The following TACO1 variants were observed in gnomAD, a reference collection of about 807,000 sequenced individuals.
TACO1 encodes the protein translational activator of cytochrome c oxidase I.
In TACO1, 13 loss-of-function variants were observed where a neutral mutation model predicts 24.0. That is an observed-to-expected ratio of 0.54 (90% confidence interval 0.35 to 0.86). The LOEUF (loss-of-function observed/expected upper bound fraction) is 0.86, where lower values mean the gene tolerates loss of function less well. TACO1 is among the 40% of genes least tolerant of loss of function. The probability of loss-of-function intolerance (pLI) is 0.01; values close to 1 mark genes in which losing one functional copy is unlikely to be tolerated. For missense variants in TACO1, 352 were observed against 380.1 expected (o/e 0.93, Z 0.61); for synonymous variants, 149 against 153.5 (o/e 0.97, Z 0.22).
Position 63,604,586 on chromosome 17 carries a change from G to A in TACO1, c.333G>A (p.Val111=), listed in dbSNP as rs376024726. The change falls in exon 2 of 5, where the codon GTG becomes GTA. Residue 111 remains valine, a synonymous_variant. Coordinates refer to ENST00000258975, the MANE Select transcript of TACO1 (RefSeq NM_016360.4). ...HNSNLANILE[V]CRSKHMPKST... ...GCAACCTGGCCAATATCTTAGAGGT[G>A]TGTCGCAGCAAACATATGCCCAAGT... 9 of 1,614,006 alleles carry A rather than the reference G, an allele frequency of 5.6e-6. No individual in the cohort carries two copies. The highest frequency in any genetic ancestry group is 7.6e-6 in the Non-Finnish European group (9 of 1,180,032).
At chr17:63,602,389 C>T (rs1344259054) in intron 1 of TACO1, among the ~76,000 whole-genome samples, 1 of 152,048 alleles carries the variant, frequency 6.6e-6, no homozygotes, top group Admixed American at 6.6e-5. Flanking sequence ...TAATACCCAC[C>T]TTGAGGTAGT....
intron 2 of TACO1, among the ~76,000 whole-genome samples, chr17:63,605,609 G>C (rs921450307): frequency 2.6e-5 from 4 of 152,188 alleles, no homozygotes; most frequent in Non-Finnish European, 4.4e-5. Flanking sequence ...TAGAGCCTGT[G>C]CTCTAACCGT....
In TACO1 at chr17:63,607,926, T is replaced by C; in HGVS notation, c.818T>C (p.Leu273Pro). Reference protein sequence around the residue: ...NSKVQLAEPDLEQAAHLIQAL... With the variant: ...NSKVQLAEPDPEQAAHLIQAL... ...AAGGTGCAGCTGGCTGAGCCCGACC[T>C]GGAACAGGCCGCACATCTCATTCAG... Residue 273 changes from leucine to proline, a missense_variant, in exon 5 of 5, where the codon CTG (leucine) becomes CCG (proline). Physicochemically the swap from Leu to Pro is moderately conservative, Grantham distance 98. Transcript: ENST00000258975. 2 of 1,614,220 alleles carry C rather than the reference T, an allele frequency of 1.2e-6. No homozygotes were observed. The highest frequency in any genetic ancestry group is 1.7e-6 in the Non-Finnish European group (2 of 1,180,028).
At chr17:63,603,576 G>A (rs1406359465) in intron 1 of TACO1, among the ~76,000 whole-genome samples, 1 of 152,018 alleles carries the variant, frequency 6.6e-6, no homozygotes, top group East Asian at 1.9e-4. Flanking sequence ...CATGGTGGCA[G>A]ACACCTGTAA....
chr17:63,606,584 C>G (rs775934757), intron 3 of TACO1, 144 bp downstream of exon 3: 1 of 1,041,522 alleles, frequency 9.6e-7, no homozygotes, highest in Non-Finnish European at 1.4e-6. Context: ...TCACTCTTGT[C>G]GCCCAGGCTG....
intron 1 of TACO1, among the ~76,000 whole-genome samples, chr17:63,602,539 T>G (rs1426449511): frequency 6.6e-6 from 1 of 152,008 alleles, no homozygotes; most frequent in Non-Finnish European, 1.5e-5. Flanking sequence ...TTTATTTATT[T>G]ATTTTGAGAC....
rs755963243 is a variant in TACO1 at position 63,601,349 on chromosome 17, G to C, written c.266G>C (p.Arg89Pro). ...RIFSKLCLNI[R>P]LAVKEGGPNP... ...TTCTCCAAACTCTGTTTGAACATCC[G>C]CCTGGCAGTGAAAGGTGAGACCCTG... The change falls in exon 1 of 5, where the codon CGC (arginine) becomes CCC (proline). Residue 89 changes from arginine (R) to proline (P), a missense_variant. Arg to Pro is a moderately radical substitution (Grantham distance 103, BLOSUM62 -2). Transcript: ENST00000258975. 1 of 1,612,580 alleles carries C rather than the reference G, an allele frequency of 6.2e-7. No homozygotes were observed. The highest frequency in any genetic ancestry group is 1.3e-5 in the African/African-American group (1 of 74,934).
chr17:63,607,231 G>A (rs1389453889), intron 3 of TACO1, 56 bp from the exon 4 acceptor site: 22 of 1,488,070 alleles, frequency 1.5e-5, no homozygotes, highest in Non-Finnish European at 2.1e-5. Flanking sequence ...TGAGCTTTAT[G>A]GAGGCTGAGC....
In TACO1 at chr17:63,601,132, T is replaced by C. The variant is rs2033816851; in HGVS notation, c.49T>C (p.Leu17=). 2 of 1,543,180 alleles carry C rather than the reference T, an allele frequency of 1.3e-6. No individual in the cohort carries two copies. ...ASLSRAAARC[L]LARGPGVRAA... is the part of the protein sequence containing the mutation. ...CCTAAGCAGGGCCGCTGCCCGATGCTTGCTGGCACGAGGCCCCGGGGTCAG... is the reference window on the plus strand; with the variant it reads ...CCTAAGCAGGGCCGCTGCCCGATGCCTGCTGGCACGAGGCCCCGGGGTCAG... Residue 17 remains leucine, a synonymous_variant, in exon 1 of 5, where the codon TTG becomes CTG. Transcript: ENST00000258975.
At position 63,603,226 on chromosome 17, in the gene TACO1, ACT is replaced by A. The variant is rs528532275; in HGVS notation, c.281-1305_281-1304del. 5.3e-5 allele frequency among the ~76,000 whole-genome samples: 8 copies of A among 152,000 alleles called. No individual in the cohort carries two copies. In the South Asian group the frequency reaches 1.7e-3, roughly 32 times the overall value. The stretch of plus-strand genomic sequence containing the variant: ...ACTCCAGCCTGGGCAACAGAGGAAA[ACT>A]CTGTCTCAAAAAATAATAATAAAAA... On this transcript the variant is annotated intron_variant, in intron 1 of 4. Coordinates refer to ENST00000258975, the MANE Select transcript of TACO1 (RefSeq NM_016360.4).
chr17:63,603,757 T>C (rs1386576146), intron 1 of TACO1, among the ~76,000 whole-genome samples: 2 of 151,536 alleles, frequency 1.3e-5, no homozygotes, highest in Admixed American at 1.3e-4. Context: ...GGCCCACACC[T>C]GTAATCCCGG....
chr17:63,607,289 G>A lies in TACO1; in HGVS notation c.518G>A (p.Gly173Glu), dbSNP rs1416978423. ...DIRHILNKNGGVMAVGARHSF... is the reference protein window; with the variant it reads ...DIRHILNKNGEVMAVGARHSF... Reference sequence around the variant, plus strand: ...CAGCCTGTTTCCTTCCCTGTCAGAGGAGTGATGGCTGTAGGAGCTCGTCAC... The same window carrying A: ...CAGCCTGTTTCCTTCCCTGTCAGAGAAGTGATGGCTGTAGGAGCTCGTCAC... Residue 173 changes from glycine (G) to glutamate (E), a missense_variant and splice_region_variant, in exon 4 of 5, where the codon GGA becomes GAA. Transcript: ENST00000258975. The A allele has an allele frequency of 1.9e-5, 31 of 1,613,586 alleles. No individual in the cohort carries two copies. The highest frequency in any genetic ancestry group is 2.6e-5 in the Non-Finnish European group (31 of 1,179,968).
At chr17:63,602,460 C>G (rs190188875) in intron 1 of TACO1, among the ~76,000 whole-genome samples, 1 of 152,134 alleles carries the variant, frequency 6.6e-6, no homozygotes, top group Non-Finnish European at 1.5e-5. Flanking sequence ...TCAGCTCATG[C>G]CTGGTATTTG....
In TACO1 at chr17:63,601,071, AG is replaced by A; in HGVS notation, c.-10del. 1.3e-6 allele frequency: 2 copies of A among 1,539,528 alleles called. No individual in the cohort carries two copies. Among genetic ancestry groups the A allele is most frequent in the Non-Finnish European group, 1.7e-6 (2 of 1,146,022 alleles). On this transcript the variant is annotated 5_prime_UTR_variant, in exon 1 of 5. Transcript: ENST00000258975. ...CGCTGCTGCTAGCAGCTTGAACCCC[AG>A]GGTCGGGACCGATGTCGGCTTGGGC...
intron 1 of TACO1, 137 bp downstream of exon 1, chr17:63,601,500 C>G: frequency 1.0e-6 from 1 of 959,946 alleles, no homozygotes; most frequent in South Asian, 1.4e-5. Flanking sequence ...CCACCATTGC[C>G]CACCTCATAA....
At chr17:63,602,090 C>CAAAAAAA (rs11288092) in intron 1 of TACO1, among the ~76,000 whole-genome samples, 13 of 84,214 alleles carry the variant, frequency 1.5e-4, no homozygotes, top group South Asian at 4.3e-4. Context: ...CTAAAAATAA[C>CAAAAAAA]AAAAAAAAAA....
Position 63,608,353 on chromosome 17 carries a change from A to T in TACO1, c.*351A>T. 2.7e-6 allele frequency: 1 copy of T among 366,080 alleles called. No homozygotes were observed. Among genetic ancestry groups the T allele is most frequent in the South Asian group, 2.3e-5 (1 of 43,584 alleles). 22.7% of individuals were successfully genotyped at this position (366,080 alleles called of 1,614,324 possible). ...ACTGCTCTTAATAATAACGGTGATTATTGGTTGCTGCATTGCTGTTGTATG... is the reference window on the plus strand; with the variant it reads ...ACTGCTCTTAATAATAACGGTGATTTTTGGTTGCTGCATTGCTGTTGTATG... On this transcript the variant is annotated 3_prime_UTR_variant, in exon 5 of 5. Coordinates refer to ENST00000258975, the MANE Select transcript of TACO1 (RefSeq NM_016360.4).
rs192838469 is a variant in TACO1 at position 63,603,039 on chromosome 17, T to C, written c.281-1495T>C. Among the ~76,000 whole-genome samples, 1,241 of 152,012 alleles carry C rather than the reference T, an allele frequency of 8.2e-3. 18 individuals carry two copies. The highest frequency in any genetic ancestry group is 0.031 in the Middle Eastern group (9 of 294). Reference sequence around the variant, plus strand: ...TCACGAGGTCAGATCGAGACCATCCTGGCTAACACGGTGAAACCCCGTCTC... The same window carrying C: ...TCACGAGGTCAGATCGAGACCATCCCGGCTAACACGGTGAAACCCCGTCTC... On this transcript the variant is annotated intron_variant, in intron 1 of 4. Transcript: ENST00000258975.
At position 63,604,357 on chromosome 17, in the gene TACO1, C is replaced by T. The variant is rs55972407; in HGVS notation, c.281-177C>T. ...TCTCAAAAAACAAACCAAAAAAACC[C>T]GAAAATACTTCTCCGTATCCCACTG... is the stretch of plus-strand genomic sequence containing the variant. On this transcript the variant is annotated intron_variant, in intron 1 of 4. Transcript: ENST00000258975. Among the ~76,000 whole-genome samples, 7,719 of 152,058 alleles carry T rather than the reference C, an allele frequency of 0.051. 634 individuals carry two copies. Among genetic ancestry groups the T allele is most frequent in the African/African-American group, 0.18 (7,307 of 41,446 alleles).
Sources: gnomAD v4.1 joint callset for allele counts (sites outside exome capture counted in the v4.1 genomes callset) on GRCh38, gnomAD v4.1.1 for gene constraint, MANE v1.5 for transcripts, NCBI Gene and HGNC (gene_info 2026-07-23, HGNC 2026-07-21) for gene names.